Variants in CDC42BPA observed in about 807,000 individuals in gnomAD.
CDC42BPA encodes the protein serine/threonine-protein kinase MRCK alpha.
A neutral mutation model predicts 223.5 loss-of-function variants in CDC42BPA; 80 were observed. The ratio of observed to expected loss-of-function variants is 0.36; its 90% CI spans 0.30 to 0.43. The LOEUF is 0.43. Ranked by LOEUF, CDC42BPA falls within the 20% of genes least tolerant of loss-of-function variation. CDC42BPA has a pLI of 1.00. For synonymous variants in CDC42BPA, 694 were observed against 718.6 expected (o/e 0.97, Z 0.55); for missense variants, 1,743 against 2,099.9 (o/e 0.83, Z 3.32).
At chr1:227,135,342 CA>C (rs1283773646) in intron 10 of CDC42BPA, among the ~76,000 whole-genome samples, 2 of 152,108 alleles carry the variant, frequency 1.3e-5, no homozygotes, top group African/African-American at 2.4e-5. Context: ...AGAATTATTT[CA>C]GAGACAAAGA....
Position 227,030,489 on chromosome 1 carries a change from T to G in CDC42BPA, c.3776-19A>C. ...TCATGATCTATGTAAGACATGAATG[T>G]GAAAGATTTTTATTAGGAAAAAAAC... On this transcript the variant is annotated intron_variant, in intron 28 of 36. Transcript: ENST00000366766. 1.3e-6 allele frequency: 2 copies of G among 1,496,966 alleles called. No individual in the cohort carries two copies. The highest frequency in any genetic ancestry group is 2.5e-5 in the South Asian group (2 of 79,778). 92.7% of individuals were successfully genotyped at this position (1,496,966 alleles called of 1,614,324 possible).
chr1:227,277,908 C>T (rs1687384204), intron 1 of CDC42BPA, among the ~76,000 whole-genome samples: 2 of 152,120 alleles, frequency 1.3e-5, no homozygotes, highest in South Asian at 4.1e-4. Context: ...CGCCACGACG[C>T]CCGGCTAATT....
intron 5 of CDC42BPA, among the ~76,000 whole-genome samples, chr1:227,192,722 T>C (rs572455936): frequency 1.3e-5 from 2 of 152,318 alleles, no homozygotes; most frequent in Non-Finnish European, 2.9e-5. Flanking sequence ...TCCTTCCAAA[T>C]TCATGCTGGT....
In CDC42BPA at chr1:227,145,698, C is replaced by G. The variant is rs759611795; in HGVS notation, c.934G>C (p.Glu312Gln). 1 of 1,613,620 alleles carries G rather than the reference C, an allele frequency of 6.2e-7. No homozygotes were observed. Residue 312 changes from glutamate to glutamine, a missense_variant, in exon 8 of 37, where the codon GAA becomes CAA. Around this residue, in one of 6 missense-constraint regions of CDC42BPA, gnomAD observed 321 missense variants for 488.7 expected, o/e 0.66. Transcript: ENST00000366766. ...CTTCGAATAAGATCCTTAGCATTTT[C>G]AGACACATCAGTCACTTGGGCTGGA... Reference protein sequence around the residue: ...QFPAQVTDVSENAKDLIRRLI... With the variant: ...QFPAQVTDVSQNAKDLIRRLI...
intron 4 of CDC42BPA, among the ~76,000 whole-genome samples, chr1:227,194,208 T>C (rs575121912): frequency 1.3e-5 from 2 of 152,296 alleles, no homozygotes; most frequent in East Asian, 3.9e-4. Flanking sequence ...TCATCATTAT[T>C]ATCATCTTCA....
intron 21 of CDC42BPA, among the ~76,000 whole-genome samples, chr1:227,059,176 T>A (rs1675241110): frequency 6.7e-6 from 1 of 148,402 alleles, no homozygotes; most frequent in Non-Finnish European, 1.5e-5. Flanking sequence ...TCCTAAAGCT[T>A]TGCGGCCAAA....
At chr1:227,067,175 A>C (rs1438514610) in intron 21 of CDC42BPA, among the ~76,000 whole-genome samples, 1 of 152,176 alleles carries the variant, frequency 6.6e-6, no homozygotes, top group East Asian at 1.9e-4. Context: ...TCCTGGAGGA[A>C]AAGTAACACT....
At position 227,276,161 on chromosome 1, in the gene CDC42BPA, G is replaced by A. The variant is rs1429912576; in HGVS notation, c.179-22006C>T. ...CCATCACGTCTAGGAAGTGAGGAGC[G>A]TCTCTGCCCTGCCGCCCATCGTCTG... On this transcript the variant is annotated intron_variant, in intron 1 of 36. Transcript: ENST00000366766. Among the ~76,000 whole-genome samples, 6 of 151,634 alleles carry A rather than the reference G, an allele frequency of 4.0e-5. 1 individual carries two copies. Among genetic ancestry groups the A allele is most frequent in the Admixed American group, 3.3e-4 (5 of 15,228 alleles).
At chr1:226,998,998 C>T (rs982928703) in intron 35 of CDC42BPA, among the ~76,000 whole-genome samples, 1 of 152,106 alleles carries the variant, frequency 6.6e-6, no homozygotes, top group Admixed American at 6.6e-5. Context: ...TGAACAGACA[C>T]TTCTCAAAAG....
At chr1:227,133,166 C>A (rs2102633) in intron 10 of CDC42BPA, among the ~76,000 whole-genome samples, 1 of 137,736 alleles carries the variant, frequency 7.3e-6, no homozygotes, top group Non-Finnish European at 1.6e-5. Flanking sequence ...CTACTGGGAA[C>A]TGAGGAACCC....
chr1:227,044,062 T>G (rs1572447148), intron 23 of CDC42BPA, among the ~76,000 whole-genome samples: 1 of 152,100 alleles, frequency 6.6e-6, no homozygotes. Context: ...TGATAGTAAT[T>G]CTAAAATTAA....
chr1:227,263,367 GAAATTTATTTCAGCCAAGGTTCTCTT>G (rs1684427212), intron 1 of CDC42BPA, among the ~76,000 whole-genome samples: 1 of 152,060 alleles, frequency 6.6e-6, no homozygotes, highest in Non-Finnish European at 1.5e-5. Context: ...CAAACAACTG[GAAATTTATTTCAGCCAAGGTTCTCTT>G]AAATCTTCGT....
At chr1:227,183,022 A>C (rs1163106579) in intron 5 of CDC42BPA, 1 of 151,986 alleles carries the variant, frequency 6.6e-6, no homozygotes, top group Non-Finnish European at 1.5e-5. Flanking sequence ...CGGCTTTCAA[A>C]CTCGGACTGA....
chr1:227,077,628 T>C (rs1268414791), intron 17 of CDC42BPA, among the ~76,000 whole-genome samples: 1 of 152,166 alleles, frequency 6.6e-6, no homozygotes, highest in Non-Finnish European at 1.5e-5. Flanking sequence ...CAAATTTACA[T>C]TTCTAATCCT....
intron 5 of CDC42BPA, among the ~76,000 whole-genome samples, chr1:227,187,795 T>A (rs1669080580): frequency 6.8e-6 from 1 of 147,896 alleles, no homozygotes; most frequent in Admixed American, 6.8e-5. Flanking sequence ...ACCTTATGCA[T>A]AGAGGAACAA....
intron 2 of CDC42BPA, among the ~76,000 whole-genome samples, chr1:227,249,847 AGTAC>A (rs1681654684): frequency 6.6e-6 from 1 of 152,076 alleles, no homozygotes; most frequent in Admixed American, 6.5e-5. Context: ...ATGATTAATG[AGTAC>A]AAAAAAAACA....
At chr1:227,172,915 C>T (rs1467637941) in intron 5 of CDC42BPA, among the ~76,000 whole-genome samples, 1 of 152,086 alleles carries the variant, frequency 6.6e-6, no homozygotes, top group African/African-American at 2.4e-5. Context: ...CCTTCTAAAA[C>T]TACAGTATAG....
chr1:227,052,095 G>C, intron 21 of CDC42BPA, 110 bp from the exon 22 acceptor site: 1 of 520,678 alleles, frequency 1.9e-6, no homozygotes, highest in Non-Finnish European at 3.6e-6. Flanking sequence ...CTTGAGAAAG[G>C]AGGATAACAA....
chr1:227,140,386 T>TA (rs1659458527), intron 9 of CDC42BPA, among the ~76,000 whole-genome samples: 1 of 151,906 alleles, frequency 6.6e-6, no homozygotes, highest in Admixed American at 6.6e-5. Context: ...AAAATTTAGA[T>TA]AAAGAAGTTA....
Sources: gnomAD v4.1 joint callset for allele counts (sites outside exome capture counted in the v4.1 genomes callset) on GRCh38, gnomAD v4.1.1 for gene constraint, gnomAD v4.1.1 regional missense constraint, MANE v1.5 for transcripts, NCBI Gene and HGNC (gene_info 2026-07-23, HGNC 2026-07-21) for gene names.